The following TFPI variants were observed in gnomAD, a reference collection of about 807,000 sequenced individuals.
TFPI encodes the protein tissue factor pathway inhibitor, also known as anti-convertin.
TFPI carries 15 observed loss-of-function variants against 34.6 expected under a neutral mutation model. The ratio of observed to expected loss-of-function variants is 0.43; its 90% confidence interval spans 0.29 to 0.67. The LOEUF (loss-of-function observed/expected upper bound fraction) is 0.67. Among genes scored for constraint, TFPI ranks in the 30% least tolerant of loss-of-function variants. TFPI has a pLI of 0.15. For missense variants in TFPI, 301 were observed against 364.0 expected (o/e 0.83, Z 1.41); for synonymous variants, 105 against 120.1 (o/e 0.87, Z 0.82).
At chr2:187,481,447 A>G (rs1252765980) in intron 6 of TFPI, among the ~76,000 whole-genome samples, 4 of 152,092 alleles carry the variant, frequency 2.6e-5, no homozygotes, top group African/African-American at 9.7e-5. Context: ...ACAAGGGGTC[A>G]TCTAGGTTTT....
chr2:187,507,807 TA>T (rs1686333480), intron 1 of TFPI, among the ~76,000 whole-genome samples: 1 of 152,220 alleles, frequency 6.6e-6, no homozygotes, highest in Admixed American at 6.5e-5. Flanking sequence ...AGAAACTCTT[TA>T]GTTTAATTAG....
intron 1 of TFPI, chr2:187,527,170 G>A (rs2106238361): frequency 6.6e-6 from 1 of 152,282 alleles, no homozygotes; most frequent in East Asian, 1.9e-4. Flanking sequence ...AACTATGTTG[G>A]AGGAGAAGGG....
chr2:187,488,958 T>C (rs1227714837), intron 3 of TFPI, among the ~76,000 whole-genome samples: 1 of 151,558 alleles, frequency 6.6e-6, no homozygotes. Context: ...ATGTTAGTTG[T>C]CTTTGTCCTA....
chr2:187,544,858 T>C (rs548636807), intron 1 of TFPI, among the ~76,000 whole-genome samples: 4 of 152,304 alleles, frequency 2.6e-5, no homozygotes, highest in Admixed American at 6.5e-5. Flanking sequence ...CTCACATCTA[T>C]AAAACCAGCA....
Position 187,465,535 on chromosome 2 carries a change from AGT to A in TFPI, c.*1399_*1400del, listed in dbSNP as rs1691677073. 1.3e-5 allele frequency: 2 copies of A among 149,788 alleles called. No individual in the cohort carries two copies. The highest frequency in any genetic ancestry group is 2.5e-5 in the African/African-American group (1 of 40,602). 9.3% of individuals were successfully genotyped at this position (149,788 alleles called of 1,614,324 possible). ...AGAAAAAAGAAAAGAAAAAGAAAAA[AGT>A]AAAAAGCCTAGGGATTGGGTGAACT... On this transcript the variant is annotated 3_prime_UTR_variant, in exon 8 of 8. Transcript: ENST00000233156.
intron 1 of TFPI, among the ~76,000 whole-genome samples, chr2:187,524,522 CCAAA>C: frequency 6.6e-6 from 1 of 151,936 alleles, no homozygotes; most frequent in African/African-American, 2.4e-5. Flanking sequence ...GTTCAATACC[CCAAA>C]CAATGACTGA....
At chr2:187,527,692 A>G (rs974977611) in intron 1 of TFPI, among the ~76,000 whole-genome samples, 3 of 152,318 alleles carry the variant, frequency 2.0e-5, no homozygotes, top group Admixed American at 1.3e-4. Flanking sequence ...AATATATACC[A>G]CATTTATTTA....
At chr2:187,494,802 A>G (rs1442190189) in intron 3 of TFPI, among the ~76,000 whole-genome samples, 1 of 152,102 alleles carries the variant, frequency 6.6e-6, no homozygotes, top group Non-Finnish European at 1.5e-5. Flanking sequence ...GGCTCACTGC[A>G]ACGTCTGGCT....
chr2:187,470,700 G>C (rs1402726555), intron 6 of TFPI, among the ~76,000 whole-genome samples: 1 of 152,278 alleles, frequency 6.6e-6, no homozygotes, highest in East Asian at 1.9e-4. Context: ...ACATGAGCAG[G>C]GGATTGGTTT....
chr2:187,513,122 A>T (rs551990033), intron 1 of TFPI, among the ~76,000 whole-genome samples: 1 of 152,198 alleles, frequency 6.6e-6, no homozygotes, highest in Non-Finnish European at 1.5e-5. Flanking sequence ...GTTAAAAAAA[A>T]GTTTTCTTTT....
intron 3 of TFPI, among the ~76,000 whole-genome samples, chr2:187,491,442 G>T (rs1277262923): frequency 1.3e-5 from 2 of 151,988 alleles, no homozygotes; most frequent in Non-Finnish European, 2.9e-5. Context: ...AGAACATGTG[G>T]TATTTGAATT....
chr2:187,508,844 C>T (rs7572886), intron 1 of TFPI, among the ~76,000 whole-genome samples: 61,483 of 151,994 alleles, frequency 0.4, 14,103 homozygotes, highest in African/African-American at 0.63. Flanking sequence ...TGAGTAAGAG[C>T]GGTGAGAGAG....
intron 1 of TFPI, chr2:187,547,385 T>C (rs1056759583): frequency 2.6e-5 from 4 of 152,184 alleles, no homozygotes; most frequent in Non-Finnish European, 5.9e-5. Flanking sequence ...ATCAGTGTTT[T>C]CACTCCTATT....
At position 187,554,228 on chromosome 2, in the gene TFPI, A is replaced by G. The variant is rs1238079407; in HGVS notation, c.-31T>C. The G allele has an allele frequency of 6.6e-6, 1 of 152,076 alleles. No individual in the cohort carries two copies. The highest frequency in any genetic ancestry group is 1.5e-5 in the Non-Finnish European group (1 of 68,014). 9.4% of individuals were successfully genotyped at this position (152,076 alleles called of 1,614,324 possible). A position where few individuals can be genotyped will look rare whatever the true frequency, so the allele number is the denominator to read the frequency against. Reference sequence around the variant, plus strand: ...TAAAATCTCTGATGAAAGTTCTTGGAATGTTTTTTTCAAAACGGAGTTGAG... The same window carrying G: ...TAAAATCTCTGATGAAAGTTCTTGGGATGTTTTTTTCAAAACGGAGTTGAG... On this transcript the variant is annotated 5_prime_UTR_variant, in exon 1 of 8. Transcript: ENST00000233156.
intron 3 of TFPI, among the ~76,000 whole-genome samples, chr2:187,489,861 GCAA>G (rs1684993416): frequency 6.6e-6 from 1 of 151,370 alleles, no homozygotes; most frequent in Non-Finnish European, 1.5e-5. Context: ...AATTTGTATG[GCAA>G]TAGCAGTATG....
chr2:187,511,945 G>C (rs1686668555), intron 1 of TFPI, among the ~76,000 whole-genome samples: 1 of 151,696 alleles, frequency 6.6e-6, no homozygotes. Flanking sequence ...TATACAAGTA[G>C]TTAAGAAAAA....
At position 187,472,155 on chromosome 2, in the gene TFPI, A is replaced by G. The variant is rs1465532150; in HGVS notation, c.629-4223T>C. On this transcript the variant is annotated intron_variant, in intron 6 of 7. Transcript: ENST00000233156. Reference sequence around the variant, plus strand: ...ATCTCCAAATTGTTTGCATATTCAAATGTATTAATATAATATTCTATATTA... The same window carrying G: ...ATCTCCAAATTGTTTGCATATTCAAGTGTATTAATATAATATTCTATATTA... Among the ~76,000 whole-genome samples the G allele has an allele frequency of 3.9e-5, 6 of 152,232 alleles. No individual in the cohort carries two copies. The East Asian group carries it at 1.2e-3, about 29-fold the overall frequency.
chr2:187,548,538 A>G (rs1028176425), intron 1 of TFPI, among the ~76,000 whole-genome samples: 4 of 152,100 alleles, frequency 2.6e-5, no homozygotes, highest in Non-Finnish European at 4.4e-5. Flanking sequence ...GAGATCATCC[A>G]TGGTCTCCCC....
At chr2:187,546,986 A>T (rs1003893342) in intron 1 of TFPI, 1 of 152,212 alleles carries the variant, frequency 6.6e-6, no homozygotes, top group African/African-American at 2.4e-5. Flanking sequence ...TTACCTTTTT[A>T]AAAATTTTTA....
Sources: gnomAD v4.1 joint callset for allele counts (sites outside exome capture counted in the v4.1 genomes callset) on GRCh38, gnomAD v4.1.1 for gene constraint, MANE v1.5 for transcripts, NCBI Gene and HGNC (gene_info 2026-07-23, HGNC 2026-07-21) for gene names.